Variants in MYH13 observed in about 807,000 individuals in gnomAD.
The protein encoded by MYH13 is myosin-13.
A neutral mutation model predicts 232.1 loss-of-function variants in MYH13; 177 were observed. The ratio of observed to expected loss-of-function variants is 0.76; its 90% confidence interval spans 0.67 to 0.86. MYH13 has a LOEUF of 0.86. Ranked by LOEUF, MYH13 falls within the 40% of genes least tolerant of loss-of-function variation. The probability of loss-of-function intolerance (pLI) is 0.00; values close to 1 mark genes in which losing one functional copy is unlikely to be tolerated. For missense variants in MYH13, 2,246 were observed against 2,405.9 expected (o/e 0.93, Z 1.39); for synonymous variants, 884 against 923.5 (o/e 0.96, Z 0.78).
intron 26 of MYH13, 76 bp from the exon 27 acceptor site, chr17:10,319,255 G>T: frequency 6.7e-7 from 1 of 1,490,980 alleles, no homozygotes; most frequent in Non-Finnish European, 8.9e-7. Context: ...GGGTGTTGAG[G>T]AATTGCGGGT....
intron 6 of MYH13, 22 bp downstream of exon 6, chr17:10,360,138 TG>T (rs752695278): frequency 6.2e-7 from 1 of 1,614,148 alleles, no homozygotes; most frequent in Admixed American, 1.7e-5. Flanking sequence ...CAAGTCATGA[TG>T]GTACAAAGAG....
At chr17:10,312,505 G>A (rs958307219) in intron 31 of MYH13, 69 bp downstream of exon 31, 2 of 1,495,024 alleles carry the variant, frequency 1.3e-6, no homozygotes, top group African/African-American at 2.8e-5. Context: ...GTATTTTCAT[G>A]TAAATAGCAT....
chr17:10,352,664 T>A (rs1473513747), intron 11 of MYH13, among the ~76,000 whole-genome samples: 1 of 152,060 alleles, frequency 6.6e-6, no homozygotes, highest in South Asian at 2.1e-4. Flanking sequence ...GCAGAAGGCA[T>A]CTTGGTGAGG....
At chr17:10,347,314 A>C (rs979163201) in intron 12 of MYH13, among the ~76,000 whole-genome samples, 1 of 152,180 alleles carries the variant, frequency 6.6e-6, no homozygotes, top group Non-Finnish European at 1.5e-5. Context: ...GCAGTGAGCC[A>C]AGATCGTGCC....
chr17:10,307,160 C>G, intron 35 of MYH13, 96 bp from the exon 36 acceptor site: 1 of 1,472,456 alleles, frequency 6.8e-7, no homozygotes, highest in African/African-American at 1.4e-5. Flanking sequence ...AATTGTGATC[C>G]TGTTCCATTT....
intron 22 of MYH13, among the ~76,000 whole-genome samples, chr17:10,327,236 C>T (rs1424596429): frequency 1.3e-5 from 2 of 150,400 alleles, no homozygotes; most frequent in East Asian, 2.0e-4. Context: ...CTCCTGACCT[C>T]GTGATCCTCC....
At chr17:10,302,171 G>A (rs1287473083) in intron 39 of MYH13, among the ~76,000 whole-genome samples, 2 of 152,132 alleles carry the variant, frequency 1.3e-5, no homozygotes, top group Admixed American at 6.5e-5. Context: ...CTAGCCTGCC[G>A]ATCCTGCTGG....
rs931730352 is a variant in MYH13 at position 10,333,122 on chromosome 17, C to G, written c.2126G>C (p.Cys709Ser). ...CNGVLEGIRI[C>S]RKGFPSRILY... ...GATCCGGCTGGGGAATCCCTTCCTG[C>G]AAATCCGGATGCCCTCGAGGACCCC... Residue 709 changes from cysteine (C) to serine (S), a missense_variant, in exon 19 of 41, where the codon TGC becomes TCC. Transcript: ENST00000252172. The G allele has an allele frequency of 1.0e-5, 16 of 1,551,824 alleles. No homozygotes were observed. The African/African-American group carries it at 2.0e-4, about 20-fold the overall frequency.
At chr17:10,302,576 C>G (rs761096218) in intron 39 of MYH13, among the ~76,000 whole-genome samples, 1 of 152,196 alleles carries the variant, frequency 6.6e-6, no homozygotes, top group Admixed American at 6.5e-5. Flanking sequence ...AAAGGATAAG[C>G]TCCTCCCCAT....
At chr17:10,329,234 G>A (rs1256289489) in intron 21 of MYH13, among the ~76,000 whole-genome samples, 1 of 152,100 alleles carries the variant, frequency 6.6e-6, no homozygotes, top group Non-Finnish European at 1.5e-5. Context: ...AGGGGATCAG[G>A]GAACCAGGGA....
At chr17:10,365,866 T>A (rs1300177441) in intron 2 of MYH13, among the ~76,000 whole-genome samples, 1 of 150,966 alleles carries the variant, frequency 6.6e-6, no homozygotes, top group African/African-American at 2.4e-5. Context: ...TGTGTGTGTG[T>A]GTGTGTGTGT....
At position 10,320,472 on chromosome 17, in the gene MYH13, TCTC is replaced by T. The variant is rs758376642; in HGVS notation, c.3133_3135del (p.Glu1045del). 2 of 1,613,346 alleles carry T rather than the reference TCTC, an allele frequency of 1.2e-6. No individual in the cohort carries two copies. Among genetic ancestry groups the T allele is most frequent in the African/African-American group, 1.3e-5 (1 of 75,052 alleles). ...CTTTCCAAGTCCGCCCGCAGTTTCT[TCTC>T]CTGCTCTAAGGAACCCTCAAGCTGA... On this transcript the variant is annotated inframe_deletion, in exon 25 of 41. Coordinates refer to ENST00000252172, the MANE Select transcript of MYH13 (RefSeq NM_003802.3).
At chr17:10,337,449 G>A (rs2071583581) in intron 18 of MYH13, among the ~76,000 whole-genome samples, 1 of 152,110 alleles carries the variant, frequency 6.6e-6, no homozygotes, top group South Asian at 2.1e-4. Flanking sequence ...AAGTCCTAGA[G>A]GATTTGGGAG....
In MYH13 at chr17:10,345,530, G is replaced by T. The variant is rs1288493981; in HGVS notation, c.1350C>A (p.Asp450Glu). 1.2e-6 allele frequency: 2 copies of T among 1,614,066 alleles called. No individual in the cohort carries two copies. The highest frequency in any genetic ancestry group is 1.7e-6 in the Non-Finnish European group (2 of 1,180,040). The change falls in exon 14 of 41, where the codon GAC becomes GAA. Residue 450 changes from aspartate to glutamate, a missense_variant. Asp to Glu is a conservative substitution (Grantham distance 45, BLOSUM62 2). Coordinates refer to ENST00000252172, the MANE Select transcript of MYH13 (RefSeq NM_003802.3). ...TGAAGTACTGCCTGGGCTGCTTGGT[G>T]TCCAGCTGCTGGTTGATGCGGGTGA... Reference protein sequence around the residue: ...WMVTRINQQLDTKQPRQYFIG... With the variant: ...WMVTRINQQLETKQPRQYFIG...
intron 18 of MYH13, among the ~76,000 whole-genome samples, chr17:10,337,123 C>G (rs1390014298): frequency 1.3e-5 from 2 of 152,116 alleles, no homozygotes; most frequent in African/African-American, 4.8e-5. Flanking sequence ...CCATGTTAGG[C>G]TGGTCTCAAA....
chr17:10,366,183 G>T (rs1163777391), intron 2 of MYH13, among the ~76,000 whole-genome samples: 1 of 151,680 alleles, frequency 6.6e-6, no homozygotes, highest in Non-Finnish European at 1.5e-5. Context: ...CTCAGAATTT[G>T]CTTCTCTCAT....
Position 10,357,656 on chromosome 17 carries a change from T to C in MYH13, c.738+79A>G, listed in dbSNP as rs1043051569. 2.3e-5 allele frequency: 30 copies of C among 1,321,396 alleles called. 1 individual carries two copies. The highest frequency in any genetic ancestry group is 1.6e-4 in the Admixed American group (9 of 55,088). The allele number at this position is 1,321,396 out of a possible 1,614,324, so 81.9% of individuals were successfully genotyped here. Reference sequence around the variant, plus strand: ...AAAGGCCCCCATATATTCCAGTTTATGGGGCAGTTTTTCATATCCAGCATT... The same window carrying C: ...AAAGGCCCCCATATATTCCAGTTTACGGGGCAGTTTTTCATATCCAGCATT... On this transcript the variant is annotated intron_variant, in intron 8 of 40. Transcript: ENST00000252172.
In MYH13 at chr17:10,362,741, G is replaced by A. The variant is rs147977370; in HGVS notation, c.205-238C>T. 1.5e-3 allele frequency among the ~76,000 whole-genome samples: 228 copies of A among 152,268 alleles called. 1 individual carries two copies. Among genetic ancestry groups the A allele is most frequent in the African/African-American group, 5.2e-3 (217 of 41,538 alleles). ...GATGCCCCTCAGTCATCCTGCTGTC[G>A]TGTGTACCAGGAGTGGGTTACAGGT... On this transcript the variant is annotated intron_variant, in intron 3 of 40. Coordinates refer to ENST00000252172, the MANE Select transcript of MYH13 (RefSeq NM_003802.3).
chr17:10,358,463 G>A (rs1189901716), intron 7 of MYH13, among the ~76,000 whole-genome samples: 3 of 152,018 alleles, frequency 2.0e-5, no homozygotes, highest in Admixed American at 6.6e-5. Context: ...ACACTACCTG[G>A]GAATATATGA....
Sources: gnomAD v4.1 joint callset for allele counts (sites outside exome capture counted in the v4.1 genomes callset) on GRCh38, gnomAD v4.1.1 for gene constraint, MANE v1.5 for transcripts, NCBI Gene and HGNC (gene_info 2026-07-23, HGNC 2026-07-21) for gene names.